The following AK4 variants were observed in gnomAD, a reference collection of about 807,000 sequenced individuals.
AK4 encodes the protein adenylate kinase 4.
In AK4, 13 loss-of-function variants were observed where a neutral mutation model predicts 24.6. That is an observed-to-expected ratio of 0.53 (90% CI 0.34 to 0.84). The LOEUF (loss-of-function observed/expected upper bound fraction) is 0.84. AK4 is among the 40% of genes least tolerant of loss of function. The pLI is 0.01. For missense variants in AK4, 192 were observed against 288.2 expected (o/e 0.67, Z 2.42); for synonymous variants, 88 against 107.0 (o/e 0.82, Z 1.10).
At chr1:65,152,920 C>T (rs1397499818) in intron 1 of AK4, among the ~76,000 whole-genome samples, 1 of 152,088 alleles carries the variant, frequency 6.6e-6, no homozygotes, top group Admixed American at 6.6e-5. Flanking sequence ...ACTTGGGAGC[C>T]AGAGTTCAAC....
At chr1:65,201,769 A>G (rs1181158560) in intron 2 of AK4, among the ~76,000 whole-genome samples, 2 of 152,278 alleles carry the variant, frequency 1.3e-5, no homozygotes, top group East Asian at 1.9e-4. Context: ...GGCTTCCTGG[A>G]GAAGCTGACA....
chr1:65,173,675 G>A (rs964853711), intron 1 of AK4, among the ~76,000 whole-genome samples: 3 of 152,040 alleles, frequency 2.0e-5, no homozygotes, highest in African/African-American at 4.8e-5. Context: ...GAGCCTGGGC[G>A]GCATGGTGGA....
At chr1:65,215,040 G>T (rs1349282472) in intron 2 of AK4, among the ~76,000 whole-genome samples, 2 of 152,214 alleles carry the variant, frequency 1.3e-5, no homozygotes, top group African/African-American at 4.8e-5. Context: ...GGTTCGTCAT[G>T]AATCGGGGTA....
Position 65,230,609 on chromosome 1 carries a change from C to T in AK4, c.*4432C>T, listed in dbSNP as rs1652613074. 6.6e-6 allele frequency: 1 copy of T among 152,134 alleles called. No homozygotes were observed. 9.4% of individuals were successfully genotyped at this position (152,134 alleles called of 1,614,324 possible). ...TCCTTGTATTATAAATGGAAATAAT[C>T]CTGTTTATTTAAACGGGTTTTCATG... On this transcript the variant is annotated 3_prime_UTR_variant, in exon 5 of 5. Coordinates refer to ENST00000327299, the MANE Select transcript of AK4 (RefSeq NM_013410.4).
chr1:65,210,367 C>T (rs1651934237), intron 2 of AK4, among the ~76,000 whole-genome samples: 1 of 152,138 alleles, frequency 6.6e-6, no homozygotes, highest in South Asian at 2.1e-4. Context: ...GGTAAGCCAT[C>T]CTCCTGTTCT....
chr1:65,175,924 A>G (rs962098497), intron 1 of AK4, among the ~76,000 whole-genome samples: 2 of 152,098 alleles, frequency 1.3e-5, no homozygotes, highest in African/African-American at 4.8e-5. Context: ...GTGGTATTAC[A>G]CCAGATGTTC....
At chr1:65,208,213 CGTA>C (rs1442158593) in intron 2 of AK4, among the ~76,000 whole-genome samples, 1 of 151,972 alleles carries the variant, frequency 6.6e-6, no homozygotes, top group Non-Finnish European at 1.5e-5. Flanking sequence ...TTTACTTTTT[CGTA>C]GTAGGACAGC....
intron 2 of AK4, among the ~76,000 whole-genome samples, chr1:65,198,703 A>G (rs1651563494): frequency 1.3e-5 from 2 of 151,654 alleles, no homozygotes; most frequent in African/African-American, 4.8e-5. Flanking sequence ...TTAGCGCTAC[A>G]TTTTTGGAAA....
At chr1:65,185,597 T>C (rs1016446704) in intron 1 of AK4, among the ~76,000 whole-genome samples, 10 of 151,938 alleles carry the variant, frequency 6.6e-5, no homozygotes, top group African/African-American at 2.2e-4. Context: ...AGAAATAAGG[T>C]TGGGCTGTGA....
At chr1:65,213,378 T>G (rs1332571576) in intron 2 of AK4, among the ~76,000 whole-genome samples, 4 of 152,162 alleles carry the variant, frequency 2.6e-5, no homozygotes, top group African/African-American at 9.7e-5. Context: ...GTGGCTGTGT[T>G]GTGCCCAGGT....
intron 1 of AK4, among the ~76,000 whole-genome samples, chr1:65,163,585 A>G (rs1650239017): frequency 6.6e-6 from 1 of 152,190 alleles, no homozygotes; most frequent in Non-Finnish European, 1.5e-5. Flanking sequence ...TTAGGTTTTT[A>G]GTCTTATCTA....
chr1:65,219,546 T>C (rs989733011), intron 3 of AK4, among the ~76,000 whole-genome samples: 6 of 152,222 alleles, frequency 3.9e-5, no homozygotes, highest in Non-Finnish European at 7.4e-5. Flanking sequence ...TTATACCATC[T>C]TGGAATATAA....
intron 1 of AK4, among the ~76,000 whole-genome samples, chr1:65,158,951 T>C (rs1158373668): frequency 6.6e-6 from 1 of 152,204 alleles, no homozygotes; most frequent in Non-Finnish European, 1.5e-5. Flanking sequence ...TACAGCTTCA[T>C]GTAGTTGAAT....
intron 1 of AK4, among the ~76,000 whole-genome samples, chr1:65,189,198 G>A (rs1436223686): frequency 6.6e-6 from 1 of 151,864 alleles, no homozygotes; most frequent in African/African-American, 2.4e-5. Context: ...ACCTCCCAAA[G>A]TGCTGGGATT....
chr1:65,183,689 G>A (rs994194670), intron 1 of AK4, among the ~76,000 whole-genome samples: 29 of 127,086 alleles, frequency 2.3e-4, no homozygotes, highest in African/African-American at 6.6e-4. Flanking sequence ...GTGTGTGTGT[G>A]TGTGTATGTA....
At position 65,190,731 on chromosome 1, in the gene AK4, A is replaced by G. The variant is rs1403655933; in HGVS notation, c.167A>G (p.Gln56Arg). ...ASTEVGEMAK[Q>R]YIEKSLLVPD... ...ATAGAAGTTGGTGAGATGGCAAAGC[A>G]GTATATAGAGAAAAGTCTTTTGGTT... The change falls in exon 2 of 5, where the codon CAG (glutamine) becomes CGG (arginine). Residue 56 changes from glutamine to arginine, a missense_variant. Transcript: ENST00000327299. 3 of 1,613,108 alleles carry G rather than the reference A, an allele frequency of 1.9e-6. No homozygotes were observed. The highest frequency in any genetic ancestry group is 2.5e-6 in the Non-Finnish European group (3 of 1,179,772).
chr1:65,223,653 A>C (rs1652363908), intron 3 of AK4, among the ~76,000 whole-genome samples: 2 of 152,148 alleles, frequency 1.3e-5, no homozygotes, highest in Admixed American at 6.5e-5. Flanking sequence ...AGCTAGCAAA[A>C]TAATTAGACA....
chr1:65,189,283 C>T (rs572385282), intron 1 of AK4, among the ~76,000 whole-genome samples: 44 of 133,128 alleles, frequency 3.3e-4, no homozygotes, highest in Middle Eastern at 3.9e-3. Context: ...ATGTGATTCT[C>T]TCTCTTTTTT....
intron 1 of AK4, chr1:65,154,638 T>G: frequency 2.1e-6 from 1 of 473,550 alleles, no homozygotes. Flanking sequence ...TCAGTTTTAT[T>G]AAGTTGGACT....
Sources: gnomAD v4.1 joint callset for allele counts (sites outside exome capture counted in the v4.1 genomes callset) on GRCh38, gnomAD v4.1.1 for gene constraint, MANE v1.5 for transcripts, NCBI Gene and HGNC (gene_info 2026-07-23, HGNC 2026-07-21) for gene names.